The following NTN1 variants were observed in gnomAD, a reference collection of about 807,000 sequenced individuals.
The protein encoded by NTN1 is netrin-1.
A neutral mutation model predicts 54.2 loss-of-function variants in NTN1; 11 were observed. The observed-to-expected ratio is 0.20, with a 90% CI of 0.13 to 0.34. The LOEUF is 0.34. Ranked by LOEUF, NTN1 falls within the 10% of genes least tolerant of loss-of-function variation. The pLI, the probability that NTN1 is intolerant of heterozygous loss-of-function variation, is 1.00. For synonymous variants in NTN1, 371 were observed against 382.0 expected, an observed-to-expected ratio of 0.97 and a Z score of 0.33; for missense variants, 740 against 893.1, an observed-to-expected ratio of 0.83 and a Z score of 2.18.
chr17:9,219,162 G>A lies in NTN1; in HGVS notation c.1412-2006G>A, dbSNP rs1169399966. Among the ~76,000 whole-genome samples, 2 of 152,190 alleles carry A rather than the reference G, an allele frequency of 1.3e-5. No homozygotes were observed. Among genetic ancestry groups the A allele is most frequent in the African/African-American group, 4.8e-5 (2 of 41,446 alleles). On this transcript the variant is annotated intron_variant, in intron 5 of 6. Transcript: ENST00000173229. This position sits in a 1 kb window ranked among gnomAD's most constrained non-coding sequence, Gnocchi z 4.5. The stretch of plus-strand genomic sequence containing the variant: ...GCCCAGAGCGGCTGTTCCTCACAGG[G>A]AAGTGCGGCCGCGGTGCTGATGGTG...
intron 6 of NTN1, among the ~76,000 whole-genome samples, chr17:9,232,082 G>A (rs1475379956): frequency 6.6e-6 from 1 of 152,154 alleles, no homozygotes; most frequent in Non-Finnish European, 1.5e-5. Flanking sequence ...GGGGAGCACT[G>A]TCCACCCTTC....
At chr17:9,037,083 A>G (rs771485662) in intron 2 of NTN1, among the ~76,000 whole-genome samples, 1 of 152,190 alleles carries the variant, frequency 6.6e-6, no homozygotes, top group Non-Finnish European at 1.5e-5. Context: ...TGTGTCTACC[A>G]CTAACATGAA....
At chr17:9,175,140 G>C (rs1449699793) in intron 3 of NTN1, 1 of 152,300 alleles carries the variant, frequency 6.6e-6, no homozygotes, top group African/African-American at 2.4e-5. Context: ...AGGCTCAGGA[G>C]TGTGTCTCCT....
At chr17:9,190,173 A>G (rs892722534) in intron 5 of NTN1, among the ~76,000 whole-genome samples, 1 of 152,240 alleles carries the variant, frequency 6.6e-6, no homozygotes, top group Non-Finnish European at 1.5e-5. Context: ...CAGTAAAAAT[A>G]TGAAACACAG....
intron 2 of NTN1, among the ~76,000 whole-genome samples, chr17:9,156,260 T>C: frequency 6.8e-6 from 1 of 146,578 alleles, no homozygotes. Flanking sequence ...TTTTGGAGAA[T>C]TCAGCCGTTA....
intron 2 of NTN1, among the ~76,000 whole-genome samples, chr17:9,029,497 G>A (rs1169772684): frequency 6.6e-6 from 1 of 152,160 alleles, no homozygotes; most frequent in Non-Finnish European, 1.5e-5. Context: ...TCGGAGGGAC[G>A]GTTGTTCTGA....
intron 5 of NTN1, among the ~76,000 whole-genome samples, chr17:9,192,971 G>A (rs145425787): frequency 0.011 from 1,634 of 151,380 alleles, 25 homozygotes; most frequent in African/African-American, 0.036. Flanking sequence ...TCCCAGCTAC[G>A]CAGGAGGCTG....
Position 9,053,294 on chromosome 17 carries a change from C to T in NTN1, c.1018+29903C>T, listed in dbSNP as rs140214107. 3.7e-3 allele frequency among the ~76,000 whole-genome samples: 565 copies of T among 152,308 alleles called. 4 individuals are homozygous for T. The highest frequency in any genetic ancestry group is 0.011 in the African/African-American group (468 of 41,564). On this transcript the variant is annotated intron_variant, in intron 2 of 6. Transcript: ENST00000173229. ...TTCTCCTAAGCCTTTCCCCTAGACC[C>T]GCTCTCTTTCTTCCAACACTGGCGA...
intron 2 of NTN1, among the ~76,000 whole-genome samples, chr17:9,150,297 A>G (rs1004296226): frequency 2.6e-5 from 4 of 152,222 alleles, no homozygotes; most frequent in Non-Finnish European, 5.9e-5. Flanking sequence ...GAAAGGCAAG[A>G]AAGTTTGCAT....
At chr17:9,160,218 C>G (rs2092353366) in intron 2 of NTN1, among the ~76,000 whole-genome samples, 1 of 152,144 alleles carries the variant, frequency 6.6e-6, no homozygotes, top group Non-Finnish European at 1.5e-5. Flanking sequence ...ATTCTCCTGC[C>G]TCAGCCTTCC....
At chr17:9,231,303 G>GGA (rs1555579605) in intron 6 of NTN1, among the ~76,000 whole-genome samples, 1 of 152,070 alleles carries the variant, frequency 6.6e-6, no homozygotes, top group Non-Finnish European at 1.5e-5. Flanking sequence ...CCCGGGGGGG[G>GGA]ACCCCAGCCT....
intron 2 of NTN1, among the ~76,000 whole-genome samples, chr17:9,158,220 A>G (rs1597509957): frequency 1.1e-5 from 1 of 89,990 alleles, no homozygotes; most frequent in South Asian, 2.7e-4. Context: ...TTGTGTGACC[A>G]GTTGTTTAGG....
intron 5 of NTN1, among the ~76,000 whole-genome samples, chr17:9,189,369 T>G (rs182091983): frequency 6.6e-6 from 1 of 152,178 alleles, no homozygotes; most frequent in Admixed American, 6.5e-5. Flanking sequence ...TTTGTTTGTT[T>G]GAGACGAAGT....
At chr17:9,102,673 G>C (rs1005416596) in intron 2 of NTN1, among the ~76,000 whole-genome samples, 1 of 152,170 alleles carries the variant, frequency 6.6e-6, no homozygotes, top group African/African-American at 2.4e-5. Context: ...CATGTGTTAG[G>C]ATGTTCATTG....
intron 2 of NTN1, among the ~76,000 whole-genome samples, chr17:9,063,393 C>T (rs960375470): frequency 6.6e-6 from 1 of 151,416 alleles, no homozygotes; most frequent in African/African-American, 2.4e-5. Flanking sequence ...CCACCGCTCC[C>T]AGCCCATTAA....
At chr17:9,207,617 GT>G (rs1904999389) in intron 5 of NTN1, among the ~76,000 whole-genome samples, 1 of 152,198 alleles carries the variant, frequency 6.6e-6, no homozygotes, top group Non-Finnish European at 1.5e-5. Flanking sequence ...CACCCCCTCT[GT>G]CCTGCTAGAT....
At chr17:9,166,149 T>TCCACCACCACCACCA (rs60014697) in intron 3 of NTN1, among the ~76,000 whole-genome samples, 3 of 111,352 alleles carry the variant, frequency 2.7e-5, no homozygotes, top group South Asian at 3.5e-4. Context: ...TCAACCCCCT[T>TCCACCACCACCACCA]CCACCACCAC....
At chr17:9,142,010 C>A (rs918406212) in intron 2 of NTN1, among the ~76,000 whole-genome samples, 1 of 152,172 alleles carries the variant, frequency 6.6e-6, no homozygotes, top group Admixed American at 6.5e-5. Flanking sequence ...GCCTGTAATC[C>A]CAGCTACTCA....
chr17:9,147,788 A>G (rs1311351194), intron 2 of NTN1, among the ~76,000 whole-genome samples: 1 of 152,210 alleles, frequency 6.6e-6, no homozygotes, highest in Non-Finnish European at 1.5e-5. Context: ...GTTTGATGGT[A>G]GGCCACCTAA....
Sources: allele counts gnomAD v4.1 joint callset (sites outside exome capture counted in the v4.1 genomes callset), GRCh38; gene constraint gnomAD v4.1.1; non-coding constraint Gnocchi (gnomAD v3.1); transcripts MANE v1.5; gene names NCBI Gene and HGNC (gene_info 2026-07-23, HGNC 2026-07-21).